Variants in SPOCK1 observed in about 807,000 individuals in gnomAD.
SPOCK1 encodes SPARC (osteonectin), cwcv and kazal like domains proteoglycan 1.
SPOCK1 carries 23 observed loss-of-function variants against 55.3 expected under a neutral mutation model. The ratio of observed to expected loss-of-function variants is 0.42; its 90% CI spans 0.30 to 0.59. SPOCK1 has a LOEUF of 0.59. Among genes scored for constraint, SPOCK1 ranks in the 20% least tolerant of loss-of-function variants. SPOCK1 has a pLI of 0.22. For missense variants in SPOCK1, 499 were observed against 552.5 expected (o/e 0.90, Z 0.97); for synonymous variants, 226 against 221.0 (o/e 1.02, Z -0.20).
At chr5:137,456,408 C>G (rs1470311744) in intron 2 of SPOCK1, among the ~76,000 whole-genome samples, 2 of 152,162 alleles carry the variant, frequency 1.3e-5, no homozygotes, top group Non-Finnish European at 2.9e-5. Flanking sequence ...TTTCTTCTCT[C>G]CTCTTGGCAA....
At chr5:137,266,746 C>CTTT (rs11453297) in intron 3 of SPOCK1, among the ~76,000 whole-genome samples, 1 of 151,444 alleles carries the variant, frequency 6.6e-6, no homozygotes, top group South Asian at 2.1e-4. Context: ...TCAAATTTCA[C>CTTT]TTTTTTTTTA....
intron 6 of SPOCK1, among the ~76,000 whole-genome samples, chr5:137,007,013 T>C (rs1436920117): frequency 6.6e-6 from 1 of 152,046 alleles, no homozygotes; most frequent in African/African-American, 2.4e-5. Flanking sequence ...TTTGCATATG[T>C]TGAACCACCA....
At chr5:136,984,293 T>C (rs1750796232) in intron 9 of SPOCK1, among the ~76,000 whole-genome samples, 1 of 146,204 alleles carries the variant, frequency 6.8e-6, no homozygotes, top group South Asian at 2.1e-4. Context: ...CTTGCCCATT[T>C]CCTTCTCTAT....
At chr5:137,129,359 G>C (rs893103729) in intron 4 of SPOCK1, among the ~76,000 whole-genome samples, 2 of 152,110 alleles carry the variant, frequency 1.3e-5, no homozygotes, top group African/African-American at 4.8e-5. Context: ...CTTCTTGCCC[G>C]CTACACAGAG....
chr5:137,083,448 G>A (rs966519317), intron 5 of SPOCK1, among the ~76,000 whole-genome samples: 1 of 152,040 alleles, frequency 6.6e-6, no homozygotes, highest in Non-Finnish European at 1.5e-5. Context: ...TGTAAAATGG[G>A]GGAAACCATG....
In SPOCK1 at chr5:137,384,576, A is replaced by ATATATATATATG. The variant is rs747142799; in HGVS notation, c.186+113796_186+113797insCATATATATATA. 8.1e-3 allele frequency among the ~76,000 whole-genome samples: 1,137 copies of ATATATATATATG among 140,254 alleles called. 14 individuals carry two copies. The highest frequency in any genetic ancestry group is 0.019 in the South Asian group (82 of 4,284). The allele number at this position is 140,254 out of a possible 152,430, so 92.0% of individuals were successfully genotyped here. Reference sequence around the variant, plus strand: ...TATACATACATACATATATATATATATATGTATGTATTTTTTTTTCCCCCT... The same window carrying ATATATATATATG: ...TATACATACATACATATATATATATATATATATATATGTATGTATGTATTTTTTTTTCCCCCT... On this transcript the variant is annotated intron_variant, in intron 2 of 10. Transcript: ENST00000394945.
chr5:137,006,392 T>G (rs750430161), intron 6 of SPOCK1, among the ~76,000 whole-genome samples: 3 of 152,180 alleles, frequency 2.0e-5, no homozygotes, highest in Non-Finnish European at 4.4e-5. Flanking sequence ...GAGCAGTGGT[T>G]TATAGTTCTC....
chr5:137,287,746 A>G (rs1379791430), intron 2 of SPOCK1, among the ~76,000 whole-genome samples: 11 of 152,180 alleles, frequency 7.2e-5, no homozygotes, highest in South Asian at 2.1e-4. Flanking sequence ...AGTTGTGTCT[A>G]TGGACAGCTG....
chr5:137,272,300 G>A (rs149905556), intron 2 of SPOCK1, among the ~76,000 whole-genome samples: 73 of 152,254 alleles, frequency 4.8e-4, no homozygotes, highest in African/African-American at 1.6e-3. Flanking sequence ...GTTGGTGGGT[G>A]GGAGAAATGT....
chr5:137,349,079 G>A (rs1229732), intron 2 of SPOCK1, among the ~76,000 whole-genome samples: 66,436 of 152,024 alleles, frequency 0.44, 14,906 homozygotes, highest in East Asian at 0.59. Context: ...CCCAACTCAA[G>A]ATCGATAGTT....
chr5:137,356,010 C>T (rs534234387), intron 2 of SPOCK1, among the ~76,000 whole-genome samples: 1 of 152,328 alleles, frequency 6.6e-6, no homozygotes, highest in African/African-American at 2.4e-5. Flanking sequence ...ACTTCCACTA[C>T]CCTCCTGTTG....
At chr5:137,488,090 G>T (rs1754097604) in intron 2 of SPOCK1, among the ~76,000 whole-genome samples, 2 of 152,112 alleles carry the variant, frequency 1.3e-5, no homozygotes, top group Non-Finnish European at 2.9e-5. Flanking sequence ...GAATCACCTG[G>T]ATTGGGCTGA....
At chr5:137,225,093 C>A (rs1244681715) in intron 3 of SPOCK1, among the ~76,000 whole-genome samples, 1 of 152,068 alleles carries the variant, frequency 6.6e-6, no homozygotes, top group African/African-American at 2.4e-5. Flanking sequence ...AACACGTCCA[C>A]CAAGCCAGCC....
At chr5:137,177,345 AG>A (rs1318638534) in intron 3 of SPOCK1, among the ~76,000 whole-genome samples, 18 of 152,286 alleles carry the variant, frequency 1.2e-4, no homozygotes, top group African/African-American at 4.3e-4. Context: ...AGGTTATCAA[AG>A]GCATCTTCAA....
intron 2 of SPOCK1, chr5:137,364,944 A>G (rs1215253975): frequency 6.6e-6 from 1 of 152,204 alleles, no homozygotes. Flanking sequence ...GCTCCTTCAT[A>G]CTCACTGCAG....
chr5:137,272,448 C>G lies in SPOCK1; in HGVS notation c.187-5393G>C, dbSNP rs577009716. Among the ~76,000 whole-genome samples, 14 of 152,270 alleles carry G rather than the reference C, an allele frequency of 9.2e-5. No individual in the cohort carries two copies. In the South Asian group the frequency reaches 2.9e-3, roughly 32 times the overall value. On this transcript the variant is annotated intron_variant, in intron 2 of 10. Coordinates refer to ENST00000394945, the MANE Select transcript of SPOCK1 (RefSeq NM_004598.4). ...CTGCTAATCAAACTATTATAAGGTA[C>G]AAAACACTCCATTTATTAAGAAAGG...
chr5:137,323,248 A>AT (rs879545824), intron 2 of SPOCK1, among the ~76,000 whole-genome samples: 136 of 152,202 alleles, frequency 8.9e-4, no homozygotes, highest in Admixed American at 5.8e-3. Context: ...AGTTTAATGG[A>AT]TTTTTTTTAA....
intron 2 of SPOCK1, among the ~76,000 whole-genome samples, chr5:137,453,643 C>G (rs924740513): frequency 6.6e-6 from 1 of 152,162 alleles, no homozygotes; most frequent in Non-Finnish European, 1.5e-5. Context: ...CACTCTTGTT[C>G]AAGAATAGTT....
intron 6 of SPOCK1, among the ~76,000 whole-genome samples, chr5:137,022,815 C>T (rs1561582442): frequency 2.0e-5 from 3 of 152,286 alleles, no homozygotes; most frequent in South Asian, 2.1e-4. Context: ...GGGTGGCCAG[C>T]GTTCTCTTCC....
Sources: allele counts gnomAD v4.1 joint callset (sites outside exome capture counted in the v4.1 genomes callset), GRCh38; gene constraint gnomAD v4.1.1; transcripts MANE v1.5; gene names NCBI Gene and HGNC (gene_info 2026-07-23, HGNC 2026-07-21).